RBFOX1: variants seen among roughly 807,000 people sequenced by gnomAD.
RBFOX1 encodes the protein RNA binding protein fox-1 homolog 1.
In RBFOX1, 8 loss-of-function variants were observed where a neutral mutation model predicts 57.7. That is an observed-to-expected ratio of 0.14 (90% CI 0.08 to 0.25). RBFOX1 has a LOEUF of 0.25. Ranked by LOEUF, RBFOX1 falls within the 10% of genes least tolerant of loss-of-function variation. The pLI, the probability that RBFOX1 is intolerant of heterozygous loss-of-function variation, is 1.00. For synonymous variants in RBFOX1, 326 were observed against 222.4 expected, an observed-to-expected ratio of 1.47 and a Z score of -4.15; for missense variants, 611 against 548.5, an observed-to-expected ratio of 1.11 and a Z score of -1.14.
rs368797974 is a variant in RBFOX1 at position 6,835,125 on chromosome 16, T to C, written c.-16+180475T>C. Among the ~76,000 whole-genome samples, 59 of 152,204 alleles carry C rather than the reference T, an allele frequency of 3.9e-4. 1 individual carries two copies. The South Asian group carries it at 0.011, about 28-fold the overall frequency. On this transcript the variant is annotated intron_variant, in intron 3 of 15. Transcript: ENST00000550418. ...TTAGTGTTAGCCAGGATGGTCTCAA[T>C]CTCCTGACCCTGTGATCTGCCCACC...
intron 3 of RBFOX1, among the ~76,000 whole-genome samples, chr16:5,661,916 G>A (rs1388840168): frequency 2.6e-5 from 4 of 151,978 alleles, no homozygotes; most frequent in Admixed American, 2.0e-4. Context: ...TGCCCGAGTC[G>A]CTGGGACTAC....
intron 2 of RBFOX1, among the ~76,000 whole-genome samples, chr16:5,493,770 A>G (rs1209796311): frequency 6.6e-6 from 1 of 152,202 alleles, no homozygotes; most frequent in Non-Finnish European, 1.5e-5. Context: ...TTCACTTCCC[A>G]TCAGAGACCT....
chr16:6,594,948 C>A (rs773455562), intron 2 of RBFOX1, among the ~76,000 whole-genome samples: 1 of 152,102 alleles, frequency 6.6e-6, no homozygotes, highest in South Asian at 2.1e-4. Context: ...GCCACCACAC[C>A]GGGCTAATTT....
chr16:6,494,890 A>G (rs1218571381), intron 2 of RBFOX1, among the ~76,000 whole-genome samples: 1 of 152,210 alleles, frequency 6.6e-6, no homozygotes, highest in Non-Finnish European at 1.5e-5. Flanking sequence ...AGCATCCACC[A>G]TATGCCAGGC....
chr16:7,000,075 A>AC (rs964930694), intron 3 of RBFOX1, among the ~76,000 whole-genome samples: 3 of 150,102 alleles, frequency 2.0e-5, no homozygotes, highest in African/African-American at 7.4e-5. Flanking sequence ...GTTTCAAAGA[A>AC]AAAAAAAAAA....
chr16:6,570,545 A>G (rs764875099), intron 2 of RBFOX1, among the ~76,000 whole-genome samples: 6 of 152,190 alleles, frequency 3.9e-5, no homozygotes, highest in Non-Finnish European at 8.8e-5. Context: ...TAATTTATAC[A>G]TGTATGCTTA....
At chr16:6,034,571 C>A (rs2095339406) in intron 1 of RBFOX1, among the ~76,000 whole-genome samples, 1 of 151,908 alleles carries the variant, frequency 6.6e-6, no homozygotes, top group Non-Finnish European at 1.5e-5. Flanking sequence ...GGTAAGGTTC[C>A]CATCTAAGCA....
At chr16:6,861,973 T>A (rs1460778811) in intron 3 of RBFOX1, among the ~76,000 whole-genome samples, 1 of 151,890 alleles carries the variant, frequency 6.6e-6, no homozygotes, top group Admixed American at 6.6e-5. Flanking sequence ...ATGGGAGGCT[T>A]GAATCAAAGA....
intron 3 of RBFOX1, among the ~76,000 whole-genome samples, chr16:6,874,855 C>A (rs761629881): frequency 2.0e-5 from 3 of 152,058 alleles, no homozygotes; most frequent in Admixed American, 2.0e-4. Flanking sequence ...AGAAATGACA[C>A]CCAATGAACT....
intron 2 of RBFOX1, among the ~76,000 whole-genome samples, chr16:6,357,140 T>C (rs1453621961): frequency 1.3e-5 from 2 of 152,058 alleles, no homozygotes; most frequent in African/African-American, 2.4e-5. Context: ...TATTTTAGTT[T>C]GCTTCCAATG....
intron 4 of RBFOX1, among the ~76,000 whole-genome samples, chr16:5,912,854 G>A (rs2058631431): frequency 6.6e-6 from 1 of 152,152 alleles, no homozygotes; most frequent in Non-Finnish European, 1.5e-5. Flanking sequence ...AAAGTATAAC[G>A]AAGGGATGGG....
chr16:5,399,805 G>A (rs2066663039), intron 1 of RBFOX1, among the ~76,000 whole-genome samples: 1 of 150,656 alleles, frequency 6.6e-6, no homozygotes, highest in African/African-American at 2.4e-5. Context: ...CCCCAGTTTT[G>A]TCCATCTGTC....
At chr16:7,289,323 C>T (rs2095713144) in intron 4 of RBFOX1, among the ~76,000 whole-genome samples, 1 of 151,676 alleles carries the variant, frequency 6.6e-6, no homozygotes. Flanking sequence ...CTGTCTTTCC[C>T]ACAAAGGTCA....
At chr16:5,599,040 A>G (rs1218529189) in exon 3 of RBFOX1, 15 of 1,244,350 alleles carry the variant, frequency 1.2e-5, no homozygotes, top group Non-Finnish European at 1.6e-5. Flanking sequence ...GGTCTCCGTC[A>G]TCAATCACCG....
intron 1 of RBFOX1, among the ~76,000 whole-genome samples, chr16:6,270,889 A>T (rs1011491396): frequency 6.6e-6 from 1 of 152,220 alleles, no homozygotes; most frequent in Admixed American, 6.5e-5. Context: ...TACCAGAAAG[A>T]TAACAGGAGA....
At chr16:6,360,276 C>A (rs1029625936) in intron 2 of RBFOX1, among the ~76,000 whole-genome samples, 2 of 151,754 alleles carry the variant, frequency 1.3e-5, no homozygotes, top group African/African-American at 4.8e-5. Context: ...TGCCTGGAGA[C>A]CTGTCCATGA....
At chr16:5,653,076 A>C (rs1016515660) in intron 3 of RBFOX1, among the ~76,000 whole-genome samples, 2 of 150,880 alleles carry the variant, frequency 1.3e-5, no homozygotes, top group East Asian at 3.9e-4. Context: ...TGTGTGAGCA[A>C]GGTGGGGTGC....
chr16:5,873,090 C>T (rs2057515742), intron 4 of RBFOX1, among the ~76,000 whole-genome samples: 1 of 152,190 alleles, frequency 6.6e-6, no homozygotes, highest in Non-Finnish European at 1.5e-5. Context: ...GCAGAGGTTG[C>T]AGTGAGCTAC....
intron 3 of RBFOX1, among the ~76,000 whole-genome samples, chr16:6,880,526 G>T (rs1413105930): frequency 6.6e-6 from 1 of 152,194 alleles, no homozygotes; most frequent in Non-Finnish European, 1.5e-5. Context: ...CTGGAACCTT[G>T]CTAGTCAGGT....
Sources: allele counts gnomAD v4.1 joint callset (sites outside exome capture counted in the v4.1 genomes callset), GRCh38; gene constraint gnomAD v4.1.1; transcripts MANE v1.5; gene names NCBI Gene and HGNC (gene_info 2026-07-23, HGNC 2026-07-21).